The following BICC1 variants were observed in gnomAD, a reference collection of about 807,000 sequenced individuals.
BICC1 encodes the protein protein bicaudal C homolog 1.
Under a neutral mutation model 111.0 loss-of-function variants are expected in BICC1, and 43 were observed. The ratio of observed to expected loss-of-function variants is 0.39; its 90% CI spans 0.30 to 0.50. BICC1 has a LOEUF of 0.50. Ranked by LOEUF, BICC1 falls within the 20% of genes least tolerant of loss-of-function variation. BICC1 has a pLI of 0.88. For synonymous variants in BICC1, 467 were observed against 434.4 expected, an observed-to-expected ratio of 1.07 and a Z score of -0.93; for missense variants, 1,091 against 1,203.2, an observed-to-expected ratio of 0.91 and a Z score of 1.38.
rs150706885 is a variant in BICC1 at position 58,734,483 on chromosome 10, G to C, written c.307+32340G>C. ...TAAATACTTTGCCTCTGCTTACTGCGTATGTGAACCGAGTGAAGAGGAGCC... is the reference window on the plus strand; with the variant it reads ...TAAATACTTTGCCTCTGCTTACTGCCTATGTGAACCGAGTGAAGAGGAGCC... On this transcript the variant is annotated intron_variant, in intron 3 of 20. Transcript: ENST00000373886. Among the ~76,000 whole-genome samples the C allele has an allele frequency of 2.6e-3, 400 of 152,256 alleles. 3 individuals carry two copies. The highest frequency in any genetic ancestry group is 9.1e-3 in the African/African-American group (378 of 41,558).
chr10:58,784,562 C>G (rs1030269845), intron 3 of BICC1, among the ~76,000 whole-genome samples: 2 of 152,144 alleles, frequency 1.3e-5, no homozygotes, highest in African/African-American at 4.8e-5. Context: ...CGAAACCACT[C>G]TGTGCTTTAG....
At chr10:58,566,742 C>T (rs940578942) in intron 1 of BICC1, among the ~76,000 whole-genome samples, 1 of 152,068 alleles carries the variant, frequency 6.6e-6, no homozygotes, top group Non-Finnish European at 1.5e-5. Flanking sequence ...ATTTGCATTT[C>T]CCTGATCATC....
chr10:58,549,147 GT>G (rs35446816), intron 1 of BICC1, among the ~76,000 whole-genome samples: 69,109 of 149,388 alleles, frequency 0.46, 16,833 homozygotes, highest in Admixed American at 0.63. Context: ...CCCTCAGCCA[GT>G]TTTTTTTTTT....
intron 2 of BICC1, among the ~76,000 whole-genome samples, chr10:58,699,485 C>G (rs956704898): frequency 2.0e-5 from 3 of 152,144 alleles, no homozygotes; most frequent in African/African-American, 7.2e-5. Flanking sequence ...GGCACTTCTA[C>G]TAATGATTTA....
chr10:58,668,460 T>C lies in BICC1; in HGVS notation c.238-33614T>C, dbSNP rs185551891. Among the ~76,000 whole-genome samples the C allele has an allele frequency of 2.6e-5, 4 of 152,206 alleles. No homozygotes were observed. The East Asian group carries it at 7.7e-4, about 29-fold the overall frequency. Reference sequence around the variant, plus strand: ...GGTTTGACCCTGACTGAAAAACATCTCAAAATTTTACTTTTGCACAACAAC... The same window carrying C: ...GGTTTGACCCTGACTGAAAAACATCCCAAAATTTTACTTTTGCACAACAAC... On this transcript the variant is annotated intron_variant, in intron 2 of 20. Transcript: ENST00000373886.
At chr10:58,575,368 C>G (rs1316772247) in intron 1 of BICC1, among the ~76,000 whole-genome samples, 3 of 152,196 alleles carry the variant, frequency 2.0e-5, no homozygotes, top group African/African-American at 7.2e-5. Flanking sequence ...TTCTACCACC[C>G]ATTGTGTTAT....
rs115886118 is a variant in BICC1, at chr10:58,633,132, A to G, written c.237+12231A>G. Among the ~76,000 whole-genome samples the G allele has an allele frequency of 3.4e-3, 515 of 152,296 alleles. 5 individuals carry two copies. The highest frequency in any genetic ancestry group is 0.012 in the African/African-American group (486 of 41,554). On this transcript the variant is annotated intron_variant, in intron 2 of 20. Transcript: ENST00000373886. ...CTATACTTTTCTTGTGATAGTGAAT[A>G]AGTCTGGGAGATCTGATGGTTTTTT...
chr10:58,588,739 T>C lies in BICC1; in HGVS notation c.191-32116T>C, dbSNP rs537397207. Among the ~76,000 whole-genome samples the C allele has an allele frequency of 3.9e-4, 59 of 152,250 alleles. 1 individual carries two copies. The South Asian group carries it at 0.012, about 30-fold the overall frequency. On this transcript the variant is annotated intron_variant, in intron 1 of 20. Coordinates refer to ENST00000373886, the MANE Select transcript of BICC1 (RefSeq NM_001080512.3). ...AGTAAAAACGCATCCCTATGTTGCT[T>C]TGAGTATACAAAAATAGTTAACATC...
rs369602342 is a variant in BICC1, at chr10:58,515,017, G to A, written c.190+1684G>A. On this transcript the variant is annotated intron_variant, in intron 1 of 20. Transcript: ENST00000373886. ...CTGCGCACAAACAAGTAAGGACAGT[G>A]ATGTTAGCTTCTGGGAAGTTCAAGT... Among the ~76,000 whole-genome samples, 5 of 152,300 alleles carry A rather than the reference G, an allele frequency of 3.3e-5. No individual in the cohort carries two copies. The East Asian group carries it at 9.7e-4, about 29-fold the overall frequency.
intron 1 of BICC1, among the ~76,000 whole-genome samples, chr10:58,570,246 A>G (rs560089089): frequency 2.3e-3 from 357 of 152,320 alleles, no homozygotes; most frequent in Admixed American, 5.8e-3. Flanking sequence ...ATTTATTTAA[A>G]GACAATAGAT....
intron 1 of BICC1, among the ~76,000 whole-genome samples, chr10:58,589,943 C>T (rs1252388962): frequency 6.6e-6 from 1 of 152,004 alleles, no homozygotes; most frequent in East Asian, 1.9e-4. Context: ...GTAGCTAGGA[C>T]CATATATGCA....
At chr10:58,715,667 G>T in intron 3 of BICC1, 3 of 1,601,150 alleles carry the variant, frequency 1.9e-6, no homozygotes, top group Non-Finnish European at 2.6e-6. Flanking sequence ...ATTGACCAAG[G>T]CCTACCTGGG....
At chr10:58,743,777 C>CT (rs5785345) in intron 3 of BICC1, among the ~76,000 whole-genome samples, 139,240 of 143,862 alleles carry the variant, frequency 0.97, 67,379 homozygotes, top group South Asian at 0.99. Context: ...GTTTTCTTTT[C>CT]TTTTTTTTTT....
intron 2 of BICC1, among the ~76,000 whole-genome samples, chr10:58,637,015 A>G (rs1837972504): frequency 6.6e-6 from 1 of 152,132 alleles, no homozygotes; most frequent in Admixed American, 6.5e-5. Flanking sequence ...GTTGCTTGAA[A>G]AAAACCACAC....
chr10:58,582,269 T>C (rs1238976903), intron 1 of BICC1, among the ~76,000 whole-genome samples: 2 of 152,244 alleles, frequency 1.3e-5, no homozygotes, highest in Admixed American at 1.3e-4. Context: ...ACAGCAATAA[T>C]GAGTCATATT....
intron 2 of BICC1, among the ~76,000 whole-genome samples, chr10:58,659,383 A>G (rs979045445): frequency 3.9e-5 from 6 of 152,208 alleles, no homozygotes; most frequent in African/African-American, 1.4e-4. Flanking sequence ...CATATACACC[A>G]TGGAATACTA....
At chr10:58,761,075 C>A (rs1842302192) in intron 3 of BICC1, among the ~76,000 whole-genome samples, 1 of 152,126 alleles carries the variant, frequency 6.6e-6, no homozygotes, top group Non-Finnish European at 1.5e-5. Context: ...CCAGGCTGGT[C>A]TTGAACTCCT....
At chr10:58,579,021 T>C (rs1344179083) in intron 1 of BICC1, among the ~76,000 whole-genome samples, 1 of 152,202 alleles carries the variant, frequency 6.6e-6, no homozygotes, top group Non-Finnish European at 1.5e-5. Flanking sequence ...TGATTTCTCA[T>C]GAAAGTTCTG....
chr10:58,768,401 A>C (rs1009222119), intron 3 of BICC1, among the ~76,000 whole-genome samples: 1 of 152,184 alleles, frequency 6.6e-6, no homozygotes, highest in African/African-American at 2.4e-5. Context: ...TATCCCAGAC[A>C]AACAAAAGCT....
Sources: allele counts gnomAD v4.1 joint callset (sites outside exome capture counted in the v4.1 genomes callset), GRCh38; gene constraint gnomAD v4.1.1; transcripts MANE v1.5; gene names NCBI Gene and HGNC (gene_info 2026-07-23, HGNC 2026-07-21).